Variants in BPTF observed in about 807,000 individuals in gnomAD.
The protein encoded by BPTF is bromodomain PHD finger transcription factor.
In BPTF, 18 loss-of-function variants were observed where a neutral mutation model predicts 292.5. The observed-to-expected ratio is 0.06, with a 90% CI of 0.04 to 0.09. The LOEUF is 0.09. Ranked by LOEUF, BPTF falls within the 10% of genes least tolerant of loss-of-function variation. The pLI, the probability that BPTF is intolerant of heterozygous loss-of-function variation, is 1.00. For synonymous variants in BPTF, 1,225 were observed against 1,251.9 expected, an observed-to-expected ratio of 0.98 and a Z score of 0.45; for missense variants, 2,726 against 3,498.7, an observed-to-expected ratio of 0.78 and a Z score of 5.57.
chr17:67,841,306 G>A (rs1289821083), intron 1 of BPTF, among the ~76,000 whole-genome samples: 6 of 152,138 alleles, frequency 3.9e-5, no homozygotes, highest in African/African-American at 1.2e-4. Flanking sequence ...CTACTCGGGA[G>A]GCTGAGGCAG....
intron 26 of BPTF, among the ~76,000 whole-genome samples, chr17:67,972,176 C>T (rs1254421899): frequency 2.0e-5 from 3 of 152,008 alleles, no homozygotes; most frequent in African/African-American, 7.2e-5. Flanking sequence ...TCACATATTT[C>T]TTATATTTTT....
chr17:67,960,099 G>A (rs1555683355), intron 24 of BPTF: 2 of 435,094 alleles, frequency 4.6e-6, no homozygotes, highest in African/African-American at 2.0e-5. Flanking sequence ...ATTCTTTTCT[G>A]TCAAAAACAA....
chr17:67,928,223 G>C, intron 15 of BPTF, 132 bp from the exon 16 acceptor site: 1 of 1,008,344 alleles, frequency 9.9e-7, no homozygotes. Context: ...TATTCTTTTT[G>C]GAAGTAAAAT....
rs35999365 is a variant in BPTF at position 67,857,782 on chromosome 17, CTTTT to C, written c.1436+3039_1436+3042del. ...GCGTCTAGACTAACAATATTTCTTT[CTTTT>C]TTTTTTTTTTTTTTTTTTGAGACAG... On this transcript the variant is annotated intron_variant, in intron 2 of 27. Coordinates refer to ENST00000306378, the MANE Select transcript of BPTF (RefSeq NM_182641.4). 2.1e-3 allele frequency among the ~76,000 whole-genome samples: 214 copies of C among 103,460 alleles called. 2 individuals are homozygous for C. The highest frequency in any genetic ancestry group is 7.3e-3 in the African/African-American group (193 of 26,432). The allele number at this position is 103,460 out of a possible 152,430, so 67.9% of individuals were successfully genotyped here. A position where few individuals can be genotyped will look rare whatever the true frequency, so the allele number is the denominator to read the frequency against.
chr17:67,936,612 C>T (rs2064938525), intron 18 of BPTF: 1 of 152,104 alleles, frequency 6.6e-6, no homozygotes, highest in South Asian at 2.1e-4. Context: ...GTCTTGAATC[C>T]CCTGTGAGGA....
Position 67,912,732 on chromosome 17 carries a change from C to G in BPTF, c.4848C>G (p.Ser1616=). The G allele has an allele frequency of 6.2e-7, 1 of 1,613,998 alleles. No homozygotes were observed. The highest frequency in any genetic ancestry group is 8.5e-7 in the Non-Finnish European group (1 of 1,180,002). The change falls in exon 11 of 28, where the codon TCC becomes TCG. Residue 1616 remains serine (S), a synonymous_variant. Coordinates refer to ENST00000306378, the MANE Select transcript of BPTF (RefSeq NM_182641.4). ...EKGDKQTVVS[S]TENCAKSTVT... Reference sequence around the variant, plus strand: ...GCGATAAGCAAACTGTGGTTTCTTCCACAGAAAATTGTGCAAAATCCACTG... The same window carrying G: ...GCGATAAGCAAACTGTGGTTTCTTCGACAGAAAATTGTGCAAAATCCACTG...
Position 67,880,663 on chromosome 17 carries a change from G to A in BPTF, c.1864+5643G>A, listed in dbSNP as rs537045757. Among the ~76,000 whole-genome samples the A allele has an allele frequency of 2.6e-5, 4 of 152,124 alleles. No homozygotes were observed. The South Asian group carries it at 8.3e-4, about 32-fold the overall frequency. On this transcript the variant is annotated intron_variant, in intron 4 of 27. Transcript: ENST00000306378. The stretch of plus-strand genomic sequence containing the variant: ...GTTTTTTGTGTGTGTGTAAGACAGG[G>A]TCTTGCTCTGTTACCCAGGCTGGAT...
intron 15 of BPTF, among the ~76,000 whole-genome samples, chr17:67,926,169 G>A (rs1452929099): frequency 6.6e-6 from 1 of 150,782 alleles, no homozygotes; most frequent in Non-Finnish European, 1.5e-5. Context: ...CACCGTGTCT[G>A]GCTGATTTTT....
rs1555674805 is a variant in BPTF at position 67,945,892 on chromosome 17, C to T, written c.7184C>T (p.Pro2395Leu). ...IPSQGQPQSQ[P>L]QVQSSTQTLS... ...TCCCAAGGCCAGCCACAGTCACAAC[C>T]CCAGGTACAGTCTTCAACTCAAACT... The change falls in exon 21 of 28, where the codon CCC becomes CTC. Residue 2395 changes from proline to leucine, a missense_variant. Transcript: ENST00000306378. 1 of 1,614,162 alleles carries T rather than the reference C, an allele frequency of 6.2e-7. No homozygotes were observed. Among genetic ancestry groups the T allele is most frequent in the East Asian group, 2.2e-5 (1 of 44,892 alleles).
At chr17:67,953,018 T>C (rs2066527667) in intron 23 of BPTF, among the ~76,000 whole-genome samples, 1 of 152,196 alleles carries the variant, frequency 6.6e-6, no homozygotes, top group Admixed American at 6.5e-5. Context: ...TGGAGTGCAG[T>C]GGCACGATCT....
intron 12 of BPTF, 50 bp from the exon 13 acceptor site, chr17:67,919,965 C>T (rs1415905350): frequency 2.6e-6 from 4 of 1,548,264 alleles, no homozygotes; most frequent in Non-Finnish European, 3.5e-6. Flanking sequence ...CCTTTTTAGT[C>T]TCTGAGTATT....
Position 67,964,397 on chromosome 17 carries a change from C to A in BPTF, c.8447C>A (p.Ser2816Tyr). The A allele has an allele frequency of 6.2e-7, 1 of 1,612,934 alleles. No homozygotes were observed. The highest frequency in any genetic ancestry group is 8.5e-7 in the Non-Finnish European group (1 of 1,179,030). Residue 2816 changes from serine (S) to tyrosine (Y), a missense_variant, in exon 25 of 28, where the codon TCC becomes TAC. Coordinates refer to ENST00000306378, the MANE Select transcript of BPTF (RefSeq NM_182641.4). ...DYEGLKRVLRSLQAHKMAWPF... is the reference protein window; with the variant it reads ...DYEGLKRVLRYLQAHKMAWPF... The stretch of plus-strand genomic sequence containing the variant: ...GAGGGGTTGAAGAGGGTGCTCCGTT[C>A]CTTACAGGTGAGACCCCTCTGTGTG...
intron 24 of BPTF, among the ~76,000 whole-genome samples, chr17:67,961,806 T>C (rs1260666263): frequency 6.6e-6 from 1 of 151,992 alleles, no homozygotes; most frequent in Non-Finnish European, 1.5e-5. Context: ...AAACCCTGTC[T>C]CTACTAAAAA....
intron 1 of BPTF, among the ~76,000 whole-genome samples, chr17:67,839,612 ATGT>A (rs900118878): frequency 1.3e-5 from 2 of 152,138 alleles, no homozygotes; most frequent in Admixed American, 6.6e-5. Flanking sequence ...AGATTCATCT[ATGT>A]TGTTGTGTGT....
Position 67,983,957 on chromosome 17 carries a change from A to G in BPTF, c.*1669A>G, listed in dbSNP as rs1296050967. ...ATGAAGCCCATTCCTTTTTGTACAT[A>G]AAGATGTCACTTAAACTTATGCTTA... is the stretch of plus-strand genomic sequence containing the variant. On this transcript the variant is annotated 3_prime_UTR_variant, in exon 28 of 28. Transcript: ENST00000306378. 1 of 152,576 alleles carries G rather than the reference A, an allele frequency of 6.6e-6. No individual in the cohort carries two copies. The highest frequency in any genetic ancestry group is 2.4e-5 in the African/African-American group (1 of 41,462). 9.5% of individuals were successfully genotyped at this position (152,576 alleles called of 1,614,324 possible).
At chr17:67,917,076 C>CA (rs2063056556) in intron 11 of BPTF, among the ~76,000 whole-genome samples, 1 of 147,206 alleles carries the variant, frequency 6.8e-6, no homozygotes. Context: ...TGTTTAGAAA[C>CA]AAACATGAAC....
chr17:67,881,934 T>C (rs1007025763), intron 4 of BPTF, among the ~76,000 whole-genome samples: 13 of 132,832 alleles, frequency 9.8e-5, no homozygotes, highest in Non-Finnish European at 1.9e-4. Context: ...TGGCACAATC[T>C]CAGCTCACTG....
intron 4 of BPTF, among the ~76,000 whole-genome samples, chr17:67,880,079 T>G (rs940174585): frequency 6.6e-6 from 1 of 152,204 alleles, no homozygotes; most frequent in African/African-American, 2.4e-5. Context: ...TTTTGGCAAA[T>G]TTTTACAATT....
intron 7 of BPTF, among the ~76,000 whole-genome samples, chr17:67,900,264 C>T (rs938716337): frequency 5.3e-5 from 8 of 151,878 alleles, no homozygotes; most frequent in African/African-American, 1.9e-4. Flanking sequence ...ACCACAATGC[C>T]CGGCTAATTT....
Sources: gnomAD v4.1 joint callset for allele counts (sites outside exome capture counted in the v4.1 genomes callset) on GRCh38, gnomAD v4.1.1 for gene constraint, MANE v1.5 for transcripts, NCBI Gene and HGNC (gene_info 2026-07-23, HGNC 2026-07-21) for gene names.